NCS1: variants seen among roughly 807,000 people sequenced by gnomAD.
The protein encoded by NCS1 is frequenin homolog.
In NCS1, 6 loss-of-function variants were observed where a neutral mutation model predicts 28.4. The ratio of observed to expected loss-of-function variants is 0.21; its 90% CI spans 0.12 to 0.42. The LOEUF (loss-of-function observed/expected upper bound fraction) is 0.42, where lower values mean the gene tolerates loss of function less well. Among genes scored for constraint, NCS1 ranks in the 10% least tolerant of loss-of-function variants. The probability of loss-of-function intolerance (pLI) is 1.00; values close to 1 mark genes in which losing one functional copy is unlikely to be tolerated. For missense variants in NCS1, 131 were observed against 241.4 expected (o/e 0.54, Z 3.03); for synonymous variants, 86 against 99.3 (o/e 0.87, Z 0.79).
intron 1 of NCS1, among the ~76,000 whole-genome samples, chr9:130,187,200 C>T (rs1046783234): frequency 2.0e-5 from 3 of 152,138 alleles, no homozygotes; most frequent in South Asian, 2.1e-4. Context: ...AGGGAGGCAC[C>T]GGCAGGTATC....
chr9:130,218,166 CAG>C (rs1554909661), intron 3 of NCS1, among the ~76,000 whole-genome samples, 196 bp downstream of exon 3: 2 of 152,214 alleles, frequency 1.3e-5, no homozygotes, highest in African/African-American at 4.8e-5. Flanking sequence ...ACAATAAACA[CAG>C]ATGCATCCAA....
rs1833550052 is a variant in NCS1 at position 130,234,421 on chromosome 9, G to C, written c.*1449G>C. On this transcript the variant is annotated 3_prime_UTR_variant, in exon 8 of 8. Transcript: ENST00000372398. The surrounding 1 kb of genome is among the most constrained non-coding windows in gnomAD (Gnocchi z 6.1). ...CCAGGACCATCACCAGGAATGCGAGGCCACCCTGGACCAGAGGTAGGAGCC... is the reference window on the plus strand; with the variant it reads ...CCAGGACCATCACCAGGAATGCGAGCCCACCCTGGACCAGAGGTAGGAGCC... 1 of 152,274 alleles carries C rather than the reference G, an allele frequency of 6.6e-6. No individual in the cohort carries two copies. The highest frequency in any genetic ancestry group is 1.5e-5 in the Non-Finnish European group (1 of 68,104). 9.4% of individuals were successfully genotyped at this position (152,274 alleles called of 1,614,324 possible).
At chr9:130,173,850 C>G (rs1421576796) in intron 1 of NCS1, among the ~76,000 whole-genome samples, 1 of 152,212 alleles carries the variant, frequency 6.6e-6, no homozygotes, top group African/African-American at 2.4e-5. Context: ...CCCACTCCAT[C>G]GGCCTTCTGG....
Position 130,184,264 on chromosome 9 carries a change from A to G in NCS1, c.64+11537A>G, listed in dbSNP as rs114829318. Among the ~76,000 whole-genome samples, 708 of 152,246 alleles carry G rather than the reference A, an allele frequency of 4.7e-3. 9 individuals are homozygous for G. Among genetic ancestry groups the G allele is most frequent in the African/African-American group, 0.016 (665 of 41,526 alleles). ...GAACTGGGAGAGGGATGCTGAGCCAAGATGGCTTTTCTGGTGGTCTGGTGT... is the reference window on the plus strand; with the variant it reads ...GAACTGGGAGAGGGATGCTGAGCCAGGATGGCTTTTCTGGTGGTCTGGTGT... On this transcript the variant is annotated intron_variant, in intron 1 of 7. Coordinates refer to ENST00000372398, the MANE Select transcript of NCS1 (RefSeq NM_014286.4).
chr9:130,231,351 C>CA (rs367655474), intron 7 of NCS1, among the ~76,000 whole-genome samples: 39 of 144,710 alleles, frequency 2.7e-4, no homozygotes, highest in South Asian at 6.4e-4. Context: ...GATTTTATCT[C>CA]AAAAAAAAAA....
rs558715257 is a variant in NCS1 at position 130,192,732 on chromosome 9, T to A, written c.65-8226T>A. ...AGGGAGGTTCTCCCCCAGGAGCCGG[T>A]GCTGCAGTGAGTGGGGGGAGTGATC... On this transcript the variant is annotated intron_variant, in intron 1 of 7. Coordinates refer to ENST00000372398, the MANE Select transcript of NCS1 (RefSeq NM_014286.4). The surrounding 1 kb of genome is among the most constrained non-coding windows in gnomAD (Gnocchi z 4.8). Among the ~76,000 whole-genome samples the A allele has an allele frequency of 6.6e-6, 1 of 152,208 alleles. No homozygotes were observed. Among genetic ancestry groups the A allele is most frequent in the Non-Finnish European group, 1.5e-5 (1 of 67,988 alleles).
intron 7 of NCS1, among the ~76,000 whole-genome samples, chr9:130,227,022 C>CAA (rs782338218): frequency 4.0e-4 from 17 of 42,610 alleles, no homozygotes; most frequent in Middle Eastern, 0.012. Context: ...GACTCCATCT[C>CAA]AAAAAAAAAA....
chr9:130,184,578 C>G (rs1832714678), intron 1 of NCS1, among the ~76,000 whole-genome samples: 1 of 152,140 alleles, frequency 6.6e-6, no homozygotes, highest in South Asian at 2.1e-4. Flanking sequence ...GATGAGGGAG[C>G]CATGCAGCGT....
intron 1 of NCS1, among the ~76,000 whole-genome samples, chr9:130,195,746 A>T (rs531670282): frequency 1.3e-5 from 2 of 152,282 alleles, no homozygotes; most frequent in South Asian, 2.1e-4. Flanking sequence ...TGAAAGATGG[A>T]TGGGGTTTCC....
chr9:130,174,743 G>C (rs925422070), intron 1 of NCS1, among the ~76,000 whole-genome samples: 1 of 149,268 alleles, frequency 6.7e-6, no homozygotes, highest in Admixed American at 6.8e-5. Context: ...CCTGGGAGGC[G>C]GAGGTTGCGG....
At chr9:130,203,143 T>A (rs1246246173) in intron 2 of NCS1, among the ~76,000 whole-genome samples, 12 of 150,356 alleles carry the variant, frequency 8.0e-5, no homozygotes, top group Admixed American at 5.9e-4. Flanking sequence ...TATATTTTTT[T>A]TTTTTTTTCT....
At chr9:130,217,267 G>A (rs573226645) in intron 2 of NCS1, among the ~76,000 whole-genome samples, 2 of 152,356 alleles carry the variant, frequency 1.3e-5, no homozygotes, top group East Asian at 1.9e-4. Context: ...GGGTGGACAA[G>A]TCCAGTTGGA....
At chr9:130,203,136 AT>A (rs66768750) in intron 2 of NCS1, among the ~76,000 whole-genome samples, 50,148 of 108,138 alleles carry the variant, frequency 0.46, 8,854 homozygotes, top group East Asian at 0.54. Flanking sequence ...ATATATATAT[AT>A]TTTTTTTTTT....
At chr9:130,218,559 T>G (rs1554909718) in intron 3 of NCS1, among the ~76,000 whole-genome samples, 1 of 152,062 alleles carries the variant, frequency 6.6e-6, no homozygotes, top group South Asian at 2.1e-4. Context: ...AACCAATATT[T>G]CCTGAACATT....
chr9:130,219,692 C>G lies in NCS1; in HGVS notation c.229-33C>G. On this transcript the variant is annotated intron_variant, in intron 3 of 7. Coordinates refer to ENST00000372398, the MANE Select transcript of NCS1 (RefSeq NM_014286.4). This position sits in a 1 kb window ranked among gnomAD's most constrained non-coding sequence, Gnocchi z 5.7. ...GCCTGACCCGGTGGCCTGGCCGGCACTGACTGAGGCAATCCCCTCTCTCTC... is the reference window on the plus strand; with the variant it reads ...GCCTGACCCGGTGGCCTGGCCGGCAGTGACTGAGGCAATCCCCTCTCTCTC... 1 of 1,610,872 alleles carries G rather than the reference C, an allele frequency of 6.2e-7. No homozygotes were observed. Among genetic ancestry groups the G allele is most frequent in the Middle Eastern group, 1.7e-4 (1 of 6,052 alleles).
Position 130,186,087 on chromosome 9 carries a change from G to A in NCS1, c.64+13360G>A, listed in dbSNP as rs1368002734. On this transcript the variant is annotated intron_variant, in intron 1 of 7. Transcript: ENST00000372398. The surrounding 1 kb of genome is among the most constrained non-coding windows in gnomAD (Gnocchi z 4.1). Reference sequence around the variant, plus strand: ...AGGGGAGGCCCTGGGTCCTGTGGGGGGCATGTGTGGCCAAACGGGTTCCTG... The same window carrying A: ...AGGGGAGGCCCTGGGTCCTGTGGGGAGCATGTGTGGCCAAACGGGTTCCTG... 2.0e-5 allele frequency among the ~76,000 whole-genome samples: 3 copies of A among 152,206 alleles called. No individual in the cohort carries two copies. Among genetic ancestry groups the A allele is most frequent in the Admixed American group, 2.0e-4 (3 of 15,280 alleles).
In NCS1 at chr9:130,226,529, G is replaced by A; in HGVS notation, c.*17+25G>A. The A allele has an allele frequency of 6.4e-7, 1 of 1,558,680 alleles. No homozygotes were observed. The highest frequency in any genetic ancestry group is 8.8e-7 in the Non-Finnish European group (1 of 1,137,924). The stretch of plus-strand genomic sequence containing the variant: ...GGTGAGTGCAGACTCGGGGCCTGGG[G>A]TGGGTCTGGGATGGGTCAGGGGTGA... On this transcript the variant is annotated intron_variant, in intron 7 of 7. Coordinates refer to ENST00000372398, the MANE Select transcript of NCS1 (RefSeq NM_014286.4). The surrounding 1 kb of genome is among the most constrained non-coding windows in gnomAD (Gnocchi z 4.8).
Position 130,223,995 on chromosome 9 carries a change from T to C in NCS1, c.474+836T>C, listed in dbSNP as rs573721206. ...CCGAGTAGCTGGGACTACAGGCGCA[T>C]GCCACCATACCTGGCTAATTTTTTG... is the stretch of plus-strand genomic sequence containing the variant. On this transcript the variant is annotated intron_variant, in intron 6 of 7. Transcript: ENST00000372398. 3.8e-3 allele frequency among the ~76,000 whole-genome samples: 584 copies of C among 151,890 alleles called. 4 individuals carry two copies. Among genetic ancestry groups the C allele is most frequent in the African/African-American group, 0.013 (553 of 41,466 alleles).
chr9:130,200,707 G>A (rs1588115453), intron 1 of NCS1: 2 of 1,526,386 alleles, frequency 1.3e-6, no homozygotes, highest in Admixed American at 3.9e-5. Context: ...AGCAGCGGCA[G>A]TGGCAGTGGC....
Sources: gnomAD v4.1 joint callset for allele counts (sites outside exome capture counted in the v4.1 genomes callset) on GRCh38, gnomAD v4.1.1 for gene constraint, Gnocchi (gnomAD v3.1) non-coding constraint, MANE v1.5 for transcripts, NCBI Gene and HGNC (gene_info 2026-07-23, HGNC 2026-07-21) for gene names.